DMD: variants seen among roughly 807,000 people sequenced by gnomAD.
DMD encodes dystrophin, also known as mutant dystrophin.
In DMD, 63 loss-of-function variants were observed where a neutral mutation model predicts 330.1. The observed-to-expected ratio is 0.19, with a 90% confidence interval of 0.16 to 0.24. The LOEUF is 0.24. Ranked by LOEUF, DMD falls within the 10% of genes least tolerant of loss-of-function variation. The probability of loss-of-function intolerance (pLI) is 1.00; values close to 1 mark genes in which losing one functional copy is unlikely to be tolerated. For synonymous variants in DMD, 1,223 were observed against 959.8 expected (o/e 1.27, Z -5.07); for missense variants, 3,344 against 2,684.1 (o/e 1.25, Z -5.43).
intron 2 of DMD, among the ~76,000 whole-genome samples, chrX:32,981,866 A>T (rs1359281344): frequency 9.0e-6 from 1 of 111,671 alleles, no homozygotes; most frequent in African/African-American, 3.3e-5. Context: ...TAAAGAAAAA[A>T]AGCAGAAAAT....
At chrX:32,679,114 T>A (rs1184157699) in intron 9 of DMD, among the ~76,000 whole-genome samples, 2 of 111,541 alleles carry the variant, frequency 1.8e-5, no homozygotes, top group Non-Finnish European at 1.9e-5. Context: ...ATTATCTGAG[T>A]GATTAATATT....
At chrX:31,622,598 A>T (rs2078596256) in intron 55 of DMD, among the ~76,000 whole-genome samples, 1 of 109,680 alleles carries the variant, frequency 9.1e-6, no homozygotes, top group Non-Finnish European at 1.9e-5. Context: ...ATGTTAGGAC[A>T]CAGAGAGAAG....
chrX:32,396,451 T>G (rs993323417), intron 30 of DMD, among the ~76,000 whole-genome samples: 4 of 111,531 alleles, frequency 3.6e-5, no homozygotes, highest in Non-Finnish European at 7.5e-5. Context: ...ATTTTCTTTA[T>G]GCATTGAGTA....
chrX:32,547,150 C>T (rs1417841443), intron 16 of DMD, among the ~76,000 whole-genome samples: 1 of 110,992 alleles, frequency 9.0e-6, no homozygotes, highest in Non-Finnish European at 1.9e-5. Context: ...AAGAAAATAC[C>T]TAATTTTAAA....
chrX:32,289,332 G>T (rs746546465), intron 42 of DMD, among the ~76,000 whole-genome samples: 1 of 110,549 alleles, frequency 9.0e-6, no homozygotes, highest in African/African-American at 3.3e-5. Flanking sequence ...TACAGAAGAT[G>T]TATTACCCTT....
At chrX:31,855,579 C>T (rs1484426485) in intron 48 of DMD, among the ~76,000 whole-genome samples, 1 of 111,887 alleles carries the variant, frequency 8.9e-6, no homozygotes, top group Non-Finnish European at 1.9e-5. Flanking sequence ...GACTGACATG[C>T]ACTTTAAATA....
rs1245860513 is a variant in DMD at position 32,086,764 on chromosome X, T to C, written c.6439-118250A>G. Among the ~76,000 whole-genome samples the C allele has an allele frequency of 3.6e-5, 4 of 111,394 alleles. No individual in the cohort carries two copies. In the Admixed American group the frequency reaches 3.8e-4, roughly 11 times the overall value. On this transcript the variant is annotated intron_variant, in intron 44 of 78. Coordinates refer to ENST00000357033, the MANE Select transcript of DMD (RefSeq NM_004006.3). ...TTAAGGTTTTTTCCTGCCTAGTAGA[T>C]TGGTCTCATTTTAATTCACAGTACC...
At chrX:32,690,577 T>A (rs186693911) in intron 9 of DMD, among the ~76,000 whole-genome samples, 1 of 111,481 alleles carries the variant, frequency 9.0e-6, no homozygotes, top group East Asian at 2.8e-4. Context: ...GGTATCACAC[T>A]TCCTGATTTC....
chrX:33,248,003 T>A (rs1603424941), intron 1 of DMD, among the ~76,000 whole-genome samples: 1 of 111,964 alleles, frequency 8.9e-6, no homozygotes, highest in Admixed American at 9.5e-5. Context: ...ATGCTCATAA[T>A]GGAGAATAAA....
intron 27 of DMD, among the ~76,000 whole-genome samples, chrX:32,442,969 T>A (rs757791192): frequency 9.0e-6 from 1 of 111,026 alleles, no homozygotes; most frequent in South Asian, 3.7e-4. Context: ...GGATTTTTTT[T>A]AAACAAAGGA....
At chrX:32,488,434 C>T (rs958457885) in intron 20 of DMD, among the ~76,000 whole-genome samples, 13 of 111,315 alleles carry the variant, frequency 1.2e-4, no homozygotes, top group African/African-American at 2.9e-4. Flanking sequence ...GCTAAATATG[C>T]GCTCTAATGT....
chrX:31,431,252 A>G (rs975910910), intron 60 of DMD, among the ~76,000 whole-genome samples: 7 of 111,697 alleles, frequency 6.3e-5, no homozygotes, highest in Non-Finnish European at 1.3e-4. Flanking sequence ...ACTAAATCAA[A>G]CTGAGATAAT....
intron 13 of DMD, among the ~76,000 whole-genome samples, chrX:32,585,742 T>C (rs1273126743): frequency 2.1e-5 from 2 of 94,363 alleles, no homozygotes; most frequent in Non-Finnish European, 4.4e-5. Context: ...AATATTATTG[T>C]TCCAGCATAC....
chrX:32,143,629 G>A (rs749203524), intron 44 of DMD, among the ~76,000 whole-genome samples: 1 of 107,238 alleles, frequency 9.3e-6, no homozygotes, highest in African/African-American at 3.4e-5. Context: ...TGCAAGCTCC[G>A]CCTCCCGGGT....
chrX:32,390,449 A>G (rs2097993717), intron 30 of DMD, among the ~76,000 whole-genome samples: 1 of 109,437 alleles, frequency 9.1e-6, no homozygotes. Flanking sequence ...TCCCTATGGG[A>G]TTATTATGAA....
chrX:32,194,876 C>T (rs2096992180), intron 44 of DMD, among the ~76,000 whole-genome samples: 1 of 111,364 alleles, frequency 9.0e-6, no homozygotes, highest in Non-Finnish European at 1.9e-5. Context: ...GGGTGTTCAT[C>T]CTAATAAGAT....
chrX:32,891,379 A>G (rs2085184595), intron 2 of DMD, among the ~76,000 whole-genome samples: 1 of 112,542 alleles, frequency 8.9e-6, no homozygotes, highest in African/African-American at 3.2e-5. Context: ...TAACAACATT[A>G]GAATCATTAG....
At chrX:32,724,251 C>T (rs1347034986) in intron 7 of DMD, among the ~76,000 whole-genome samples, 1 of 111,112 alleles carries the variant, frequency 9.0e-6, no homozygotes, top group African/African-American at 3.3e-5. Flanking sequence ...GACTTTTTTG[C>T]TGAAACTAAA....
chrX:31,708,614 C>G (rs372035236), intron 52 of DMD, among the ~76,000 whole-genome samples: 16 of 110,658 alleles, frequency 1.4e-4, no homozygotes, highest in African/African-American at 4.9e-4. Context: ...TCATTAAATA[C>G]TATTTGAAAC....
Sources: gnomAD v4.1 joint callset for allele counts (sites outside exome capture counted in the v4.1 genomes callset) on GRCh38, gnomAD v4.1.1 for gene constraint, MANE v1.5 for transcripts, NCBI Gene and HGNC (gene_info 2026-07-23, HGNC 2026-07-21) for gene names.